TUT4: variants seen among roughly 807,000 people sequenced by gnomAD.
TUT4 encodes the protein terminal uridylyl transferase 4.
TUT4 carries 36 observed loss-of-function variants against 192.2 expected under a neutral mutation model. The observed-to-expected ratio is 0.19, with a 90% confidence interval of 0.14 to 0.25. The LOEUF is 0.25. Among genes scored for constraint, TUT4 ranks in the 10% least tolerant of loss-of-function variants. The pLI, the probability that TUT4 is intolerant of heterozygous loss-of-function variation, is 1.00. For synonymous variants in TUT4, 618 were observed against 666.0 expected (o/e 0.93, Z 1.11); for missense variants, 1,493 against 1,957.2 (o/e 0.76, Z 4.47).
chr1:52,461,947 T>G (rs993738859), intron 16 of TUT4, 178 bp from the exon 17 acceptor site: 6 of 441,170 alleles, frequency 1.4e-5, no homozygotes, highest in Middle Eastern at 6.3e-4. Flanking sequence ...GGAAACTTGA[T>G]AGAAATGCAG....
At chr1:52,501,435 T>C (rs1228737489) in intron 4 of TUT4, among the ~76,000 whole-genome samples, 1 of 92,056 alleles carries the variant, frequency 1.1e-5, no homozygotes, top group African/African-American at 4.3e-5. Context: ...ATTGCTATTA[T>C]GGGGGGGCGG....
intron 19 of TUT4, among the ~76,000 whole-genome samples, chr1:52,459,608 G>C (rs1009540043): frequency 6.6e-6 from 1 of 151,984 alleles, no homozygotes; most frequent in Non-Finnish European, 1.5e-5. Context: ...AATAAAGGCT[G>C]GGGGTGGTGG....
intron 24 of TUT4, among the ~76,000 whole-genome samples, chr1:52,439,193 G>A (rs894040700): frequency 1.3e-5 from 2 of 151,976 alleles, no homozygotes; most frequent in African/African-American, 2.4e-5. Context: ...AATAGCCACT[G>A]CACTCCAGCC....
intron 1 of TUT4, among the ~76,000 whole-genome samples, chr1:52,552,199 T>C (rs1410355241): frequency 6.6e-6 from 1 of 152,360 alleles, no homozygotes; most frequent in East Asian, 1.9e-4. Flanking sequence ...CCCGCTGATG[T>C]GCTTCTTTCA....
chr1:52,519,746 T>G (rs537834880), intron 2 of TUT4, among the ~76,000 whole-genome samples: 2 of 152,252 alleles, frequency 1.3e-5, no homozygotes, highest in East Asian at 3.9e-4. Flanking sequence ...TGACCACAGG[T>G]GATCCACTCG....
chr1:52,454,026 GT>G (rs1410271846), intron 20 of TUT4, among the ~76,000 whole-genome samples: 1 of 152,178 alleles, frequency 6.6e-6, no homozygotes, highest in Non-Finnish European at 1.5e-5. Context: ...AACAAAATAT[GT>G]GCAAGGGCTA....
chr1:52,548,885 G>C (rs577083214), intron 1 of TUT4, among the ~76,000 whole-genome samples: 89 of 152,332 alleles, frequency 5.8e-4, no homozygotes, highest in African/African-American at 2.0e-3. Context: ...AATGCCTTAA[G>C]CTATTGTTTT....
At chr1:52,431,540 A>T (rs1652068626) in intron 27 of TUT4, 80 bp from the exon 28 acceptor site, 5 of 1,165,172 alleles carry the variant, frequency 4.3e-6, no homozygotes, top group East Asian at 2.6e-5. Flanking sequence ...ATACAAAATT[A>T]AAAACTTTAT....
At chr1:52,552,891 C>G (rs1191962195) in intron 1 of TUT4, 40 bp downstream of exon 1, 1 of 152,772 alleles carries the variant, frequency 6.5e-6, no homozygotes, top group East Asian at 1.9e-4. Flanking sequence ...GAGCACACCC[C>G]CTCGGTACCC....
intron 26 of TUT4, among the ~76,000 whole-genome samples, chr1:52,435,781 A>T (rs980289516): frequency 6.6e-6 from 1 of 152,178 alleles, no homozygotes; most frequent in African/African-American, 2.4e-5. Context: ...GCAGTGGCTC[A>T]TATCTGTAAT....
At chr1:52,435,684 A>G (rs12084703) in intron 26 of TUT4, among the ~76,000 whole-genome samples, 5,033 of 152,336 alleles carry the variant, frequency 0.033, 202 homozygotes, top group African/African-American at 0.097. Flanking sequence ...AAAAAAAATA[A>G]CACTGATCCT....
At chr1:52,453,179 G>A (rs1659944935) in intron 20 of TUT4, among the ~76,000 whole-genome samples, 1 of 152,084 alleles carries the variant, frequency 6.6e-6, no homozygotes, top group Non-Finnish European at 1.5e-5. Context: ...GACATAAGGA[G>A]TTCGAGACTA....
intron 2 of TUT4, among the ~76,000 whole-genome samples, chr1:52,522,985 A>ATC (rs1419591800): frequency 2.0e-5 from 2 of 97,892 alleles, no homozygotes. Flanking sequence ...ACCCTTAACT[A>ATC]TCTTTTTTTT....
chr1:52,507,440 G>A (rs533025779), intron 4 of TUT4, among the ~76,000 whole-genome samples: 5 of 152,090 alleles, frequency 3.3e-5, no homozygotes, highest in South Asian at 2.1e-4. Context: ...TGACTCTGTC[G>A]CCTGAAAACC....
rs1266928667 is a variant in TUT4, at chr1:52,446,634, C to T, written c.3469G>A (p.Val1157Ile). 5 of 1,605,480 alleles carry T rather than the reference C, an allele frequency of 3.1e-6. No homozygotes were observed. Among genetic ancestry groups the T allele is most frequent in the South Asian group, 2.3e-5 (2 of 88,524 alleles). The change falls in exon 21 of 30, where the codon GTT becomes ATT. Residue 1157 changes from valine (V) to isoleucine (I), a missense_variant. Around this residue, in one of 7 missense-constraint regions of TUT4, gnomAD observed 141 missense variants for 382.7 expected, o/e 0.37. Coordinates refer to ENST00000257177, the MANE Select transcript of TUT4 (RefSeq NM_001009881.3). ...AAGAAGAAAGCATTCCATCCATCAACCATTCTCTGTGGAATCTGTTTTCCA... is the reference window on the plus strand; with the variant it reads ...AAGAAGAAAGCATTCCATCCATCAATCATTCTCTGTGGAATCTGTTTTCCA... ...FDGKQIPQRM[V>I]DGWNAFFFDK... is the part of the protein sequence containing the mutation.
At chr1:52,487,972 C>A (rs1670214374) in intron 9 of TUT4, among the ~76,000 whole-genome samples, 1 of 151,980 alleles carries the variant, frequency 6.6e-6, no homozygotes, top group South Asian at 2.1e-4. Flanking sequence ...TGAGCATAAA[C>A]CTGAAAAAAG....
At chr1:52,447,582 GA>G (rs989154488) in intron 20 of TUT4, among the ~76,000 whole-genome samples, 1 of 151,668 alleles carries the variant, frequency 6.6e-6, no homozygotes, top group Non-Finnish European at 1.5e-5. Flanking sequence ...GAAAAAAGGA[GA>G]AAAAAACGCT....
intron 6 of TUT4, among the ~76,000 whole-genome samples, chr1:52,493,900 C>T (rs1231474900): frequency 6.6e-6 from 1 of 150,796 alleles, no homozygotes; most frequent in Non-Finnish European, 1.5e-5. Context: ...GGCTCAAAGA[C>T]TCCTCCTGCC....
chr1:52,468,402 C>A, intron 14 of TUT4, 135 bp from the exon 15 acceptor site: 2 of 645,042 alleles, frequency 3.1e-6, no homozygotes, highest in East Asian at 3.0e-5. Context: ...ACTTTAAAAC[C>A]ATAAATGTTA....
Sources: allele counts gnomAD v4.1 joint callset (sites outside exome capture counted in the v4.1 genomes callset), GRCh38; gene constraint gnomAD v4.1.1; regional missense constraint gnomAD v4.1.1; transcripts MANE v1.5; gene names NCBI Gene and HGNC (gene_info 2026-07-23, HGNC 2026-07-21).